Variants in THSD7B observed in about 807,000 individuals in gnomAD.
THSD7B encodes thrombospondin type-1 domain-containing protein 7B.
Under a neutral mutation model 213.6 loss-of-function variants are expected in THSD7B, and 138 were observed. The observed-to-expected ratio is 0.65, with a 90% CI of 0.56 to 0.74. The LOEUF is 0.74. Ranked by LOEUF, THSD7B falls within the 30% of genes least tolerant of loss-of-function variation. The pLI, the probability that THSD7B is intolerant of heterozygous loss-of-function variation, is 0.00. For synonymous variants in THSD7B, 742 were observed against 687.0 expected (o/e 1.08, Z -1.25); for missense variants, 1,931 against 1,991.5 (o/e 0.97, Z 0.58).
intron 15 of THSD7B, among the ~76,000 whole-genome samples, chr2:137,531,818 T>C (rs1179944143): frequency 6.6e-6 from 1 of 151,982 alleles, no homozygotes; most frequent in Non-Finnish European, 1.5e-5. Flanking sequence ...AATTAAGCAG[T>C]GTTTTAAGGT....
intron 14 of THSD7B, among the ~76,000 whole-genome samples, chr2:137,431,993 C>T (rs1399068919): frequency 6.6e-6 from 1 of 152,112 alleles, no homozygotes; most frequent in South Asian, 2.1e-4. Context: ...CTGCAAAATT[C>T]AGCTGAACTA....
rs1022393528 is a variant in THSD7B at position 137,397,530 on chromosome 2, A to T, written c.2501-8083A>T. ...TGGCTTGTAGGGTTTCTGCCAAGAG[A>T]TCCGCTGTTAGTCTGATGGGCTTCC... On this transcript the variant is annotated intron_variant, in intron 12 of 27. Coordinates refer to ENST00000409968, the MANE Select transcript of THSD7B (RefSeq NM_001316349.2). Among the ~76,000 whole-genome samples, 103 of 151,730 alleles carry T rather than the reference A, an allele frequency of 6.8e-4. 1 individual carries two copies. Among genetic ancestry groups the T allele is most frequent in the African/African-American group, 2.2e-3 (92 of 41,382 alleles).
intron 24 of THSD7B, 43 bp from the exon 25 acceptor site, chr2:137,659,621 C>T (rs1287104275): frequency 4.6e-6 from 7 of 1,532,242 alleles, no homozygotes; most frequent in Non-Finnish European, 6.2e-6. Flanking sequence ...TTAGAAATAT[C>T]TAATAGAGAA....
intron 20 of THSD7B, among the ~76,000 whole-genome samples, chr2:137,626,215 C>G (rs1356990517): frequency 1.3e-5 from 2 of 152,168 alleles, no homozygotes; most frequent in Non-Finnish European, 2.9e-5. Flanking sequence ...GTAACCCCAG[C>G]ACTTTGGGAG....
At chr2:136,880,062 C>G (rs1456365637) in intron 1 of THSD7B, among the ~76,000 whole-genome samples, 1 of 152,136 alleles carries the variant, frequency 6.6e-6, no homozygotes, top group Non-Finnish European at 1.5e-5. Context: ...ATCAACGAGA[C>G]AGAAAGTTAA....
At chr2:136,818,123 A>T (rs1273494033) in intron 1 of THSD7B, among the ~76,000 whole-genome samples, 1 of 150,558 alleles carries the variant, frequency 6.6e-6, no homozygotes, top group Non-Finnish European at 1.5e-5. Flanking sequence ...CATTATTCAC[A>T]ATAGCAAAGA....
intron 2 of THSD7B, among the ~76,000 whole-genome samples, chr2:136,996,531 G>A (rs1685893851): frequency 6.6e-6 from 1 of 151,906 alleles, no homozygotes; most frequent in Admixed American, 6.6e-5. Flanking sequence ...TATTTGTAGA[G>A]ATGGGGTCTT....
At chr2:136,773,630 C>T (rs1681549015) in intron 1 of THSD7B, among the ~76,000 whole-genome samples, 1 of 150,582 alleles carries the variant, frequency 6.6e-6, no homozygotes, top group African/African-American at 2.4e-5. Flanking sequence ...CAAGCACATA[C>T]ATTTTAGTTT....
chr2:136,793,352 A>G (rs1393752413), intron 1 of THSD7B, among the ~76,000 whole-genome samples: 1 of 151,980 alleles, frequency 6.6e-6, no homozygotes, highest in Non-Finnish European at 1.5e-5. Flanking sequence ...GCATATTTTC[A>G]TGGCTTATTT....
intron 10 of THSD7B, among the ~76,000 whole-genome samples, chr2:137,262,890 C>T (rs1682485854): frequency 6.6e-6 from 1 of 151,974 alleles, no homozygotes; most frequent in Non-Finnish European, 1.5e-5. Flanking sequence ...AGAAAGCATC[C>T]CTGAGATTCT....
rs1376974698 is a variant in THSD7B at position 137,620,544 on chromosome 2, A to G, written c.3682-65A>G. 2.4e-6 allele frequency: 3 copies of G among 1,275,462 alleles called. No homozygotes were observed. In the Admixed American group the frequency reaches 5.3e-5, roughly 22 times the overall value. The allele number at this position is 1,275,462 out of a possible 1,614,324, so 79.0% of individuals were successfully genotyped here. On this transcript the variant is annotated intron_variant, in intron 19 of 27. Coordinates refer to ENST00000409968, the MANE Select transcript of THSD7B (RefSeq NM_001316349.2). ...AGAGTAAAGGAAAGTCTTTCCCATGAAAGGACAGTGATTTGACTAAAGAGT... is the reference window on the plus strand; with the variant it reads ...AGAGTAAAGGAAAGTCTTTCCCATGGAAGGACAGTGATTTGACTAAAGAGT...
At chr2:137,615,129 T>C (rs1682359779) in intron 17 of THSD7B, among the ~76,000 whole-genome samples, 1 of 151,968 alleles carries the variant, frequency 6.6e-6, no homozygotes, top group African/African-American at 2.4e-5. Flanking sequence ...GAGAGTGACA[T>C]GAGAAGTAGA....
chr2:137,634,381 T>G (rs1013168975), intron 20 of THSD7B, among the ~76,000 whole-genome samples: 1 of 152,202 alleles, frequency 6.6e-6, no homozygotes, highest in African/African-American at 2.4e-5. Flanking sequence ...ACTACTACTA[T>G]TGCTTTTATA....
At chr2:137,582,879 T>G (rs4954520) in intron 17 of THSD7B, among the ~76,000 whole-genome samples, 1 of 152,000 alleles carries the variant, frequency 6.6e-6, no homozygotes, top group East Asian at 1.9e-4. Flanking sequence ...TGGGTCAAAC[T>G]GTATTTCTAG....
chr2:136,947,606 CCT>C (rs1346013422), intron 2 of THSD7B, among the ~76,000 whole-genome samples: 2 of 152,178 alleles, frequency 1.3e-5, no homozygotes, highest in Non-Finnish European at 2.9e-5. Context: ...TCTCTCTCTT[CCT>C]CTGTCTTGCC....
At chr2:137,513,008 A>G (rs998699230) in intron 15 of THSD7B, among the ~76,000 whole-genome samples, 1 of 152,156 alleles carries the variant, frequency 6.6e-6, no homozygotes. Flanking sequence ...AAGGACTGTC[A>G]TTTACCTTCA....
chr2:137,448,665 G>A (rs1050120498), intron 14 of THSD7B, among the ~76,000 whole-genome samples: 1 of 152,178 alleles, frequency 6.6e-6, no homozygotes, highest in Non-Finnish European at 1.5e-5. Flanking sequence ...CGGGAGCGGT[G>A]GCGGGCGCCT....
chr2:137,111,972 A>C (rs1688354706), intron 4 of THSD7B, among the ~76,000 whole-genome samples: 1 of 152,182 alleles, frequency 6.6e-6, no homozygotes, highest in Non-Finnish European at 1.5e-5. Flanking sequence ...TGGGAGGTTG[A>C]AAAGGTCTGG....
At chr2:137,165,162 C>T (rs1009979426) in intron 6 of THSD7B, among the ~76,000 whole-genome samples, 6 of 152,078 alleles carry the variant, frequency 3.9e-5, no homozygotes, top group South Asian at 2.1e-4. Flanking sequence ...GAGAATTAGC[C>T]GTTTTTTAAT....
Sources: gnomAD v4.1 joint callset for allele counts (sites outside exome capture counted in the v4.1 genomes callset) on GRCh38, gnomAD v4.1.1 for gene constraint, MANE v1.5 for transcripts, NCBI Gene and HGNC (gene_info 2026-07-23, HGNC 2026-07-21) for gene names.